The following SLC44A1 variants were observed in gnomAD, a reference collection of about 807,000 sequenced individuals.
The protein encoded by SLC44A1 is choline transporter-like protein 1.
Under a neutral mutation model 79.3 loss-of-function variants are expected in SLC44A1, and 26 were observed. The observed-to-expected ratio is 0.33, with a 90% CI of 0.24 to 0.46. The LOEUF is 0.46. Ranked by LOEUF, SLC44A1 falls within the 20% of genes least tolerant of loss-of-function variation. The pLI, the probability that SLC44A1 is intolerant of heterozygous loss-of-function variation, is 1.00. For synonymous variants in SLC44A1, 263 were observed against 286.2 expected, an observed-to-expected ratio of 0.92 and a Z score of 0.82; for missense variants, 688 against 798.1, an observed-to-expected ratio of 0.86 and a Z score of 1.66.
intron 12 of SLC44A1, among the ~76,000 whole-genome samples, chr9:105,368,345 A>C (rs1469114608): frequency 1.3e-5 from 2 of 152,190 alleles, no homozygotes; most frequent in Non-Finnish European, 2.9e-5. Flanking sequence ...CATACTTTGT[A>C]GTTCTATTTG....
At chr9:105,349,109 T>G (rs763672239) in intron 5 of SLC44A1, among the ~76,000 whole-genome samples, 2 of 152,184 alleles carry the variant, frequency 1.3e-5, no homozygotes, top group Non-Finnish European at 2.9e-5. Context: ...AGGAAATGAA[T>G]TATCAAGCAT....
chr9:105,297,010 T>A (rs1830740962), intron 1 of SLC44A1, among the ~76,000 whole-genome samples: 1 of 152,196 alleles, frequency 6.6e-6, no homozygotes, highest in African/African-American at 2.4e-5. Flanking sequence ...GAACCAGTCC[T>A]TCATCTCTTA....
At position 105,392,715 on chromosome 9, in the gene SLC44A1, A is replaced by G; in HGVS notation, c.*3659A>G. 1 of 985,382 alleles carries G rather than the reference A, an allele frequency of 1.0e-6. No individual in the cohort carries two copies. The highest frequency in any genetic ancestry group is 1.2e-6 in the Non-Finnish European group (1 of 829,908). The allele number at this position is 985,382 out of a possible 1,614,324, so 61.0% of individuals were successfully genotyped here. A position where few individuals can be genotyped will look rare whatever the true frequency, so the allele number is the denominator to read the frequency against. ...TTTCCACCATGCACTATTACTAGCTACTAACAGCCATTTTAAGAGATCTCC... is the reference window on the plus strand; with the variant it reads ...TTTCCACCATGCACTATTACTAGCTGCTAACAGCCATTTTAAGAGATCTCC... On this transcript the variant is annotated 3_prime_UTR_variant, in exon 16 of 16. Transcript: ENST00000374720.
intron 2 of SLC44A1, 122 bp from the exon 3 acceptor site, chr9:105,309,602 A>G: frequency 1.3e-6 from 1 of 793,284 alleles, no homozygotes; most frequent in Middle Eastern, 3.1e-4. Context: ...TAGTGTTTGC[A>G]GTAAGAAAAG....
chr9:105,438,297 T>A (rs748766114), exon 16 of SLC44A1: 13 of 1,550,306 alleles, frequency 8.4e-6, no homozygotes, highest in Non-Finnish European at 1.1e-5. Context: ...AAAAGGTGAC[T>A]GGTCTCATGA....
intron 1 of SLC44A1, among the ~76,000 whole-genome samples, chr9:105,278,108 C>G (rs1264217865): frequency 1.3e-5 from 2 of 151,916 alleles, no homozygotes; most frequent in Non-Finnish European, 2.9e-5. Flanking sequence ...GTCACCCAGA[C>G]TGGAGTGCAG....
At chr9:105,280,541 AC>A (rs1442757768) in intron 1 of SLC44A1, among the ~76,000 whole-genome samples, 1 of 152,246 alleles carries the variant, frequency 6.6e-6, no homozygotes, top group East Asian at 1.9e-4. Flanking sequence ...TTCTGAATTA[AC>A]AGTATTACTC....
chr9:105,303,095 C>A (rs1033857109), intron 2 of SLC44A1, among the ~76,000 whole-genome samples: 2 of 152,150 alleles, frequency 1.3e-5, no homozygotes, highest in African/African-American at 4.8e-5. Context: ...GGTTTCTCAG[C>A]TCAAATCCCA....
chr9:105,244,991 C>T (rs946139784), intron 1 of SLC44A1, 87 bp downstream of exon 1: 61 of 510,660 alleles, frequency 1.2e-4, no homozygotes, highest in African/African-American at 1.1e-3. Flanking sequence ...CGATACCTCT[C>T]GCTGTCCCCA....
intron 8 of SLC44A1, among the ~76,000 whole-genome samples, chr9:105,361,659 A>G (rs1827783992): frequency 6.6e-6 from 1 of 152,236 alleles, no homozygotes; most frequent in African/African-American, 2.4e-5. Flanking sequence ...TTTACTGTAG[A>G]AAAGTATGTT....
chr9:105,298,339 TTG>T (rs1830784241), intron 1 of SLC44A1, among the ~76,000 whole-genome samples: 1 of 147,030 alleles, frequency 6.8e-6, no homozygotes, highest in African/African-American at 2.7e-5. Context: ...CCCGTTTTTG[TTG>T]TTGTTGTTGT....
At chr9:105,419,392 T>C (rs190751246) in intron 15 of SLC44A1, among the ~76,000 whole-genome samples, 64 of 152,300 alleles carry the variant, frequency 4.2e-4, no homozygotes, top group African/African-American at 1.4e-3. Context: ...TGTAGTTTTA[T>C]AAAGAGAGTA....
Position 105,393,135 on chromosome 9 carries a change from G to T in SLC44A1, c.*4079G>T. 2 of 985,420 alleles carry T rather than the reference G, an allele frequency of 2.0e-6. No individual in the cohort carries two copies. Among genetic ancestry groups the T allele is most frequent in the Non-Finnish European group, 2.4e-6 (2 of 829,908 alleles). The allele number at this position is 985,420 out of a possible 1,614,324, so 61.0% of individuals were successfully genotyped here. On this transcript the variant is annotated 3_prime_UTR_variant, in exon 16 of 16. Transcript: ENST00000374720. ...GTGAATGTATATTGAAAAAATGTGG[G>T]TTCATAAGTAAAAGCGTAACGCAGA... is the stretch of plus-strand genomic sequence containing the variant.
In SLC44A1 at chr9:105,279,722, A is replaced by T. The variant is rs1299478536; in HGVS notation, c.37-19498A>T. Among the ~76,000 whole-genome samples the T allele has an allele frequency of 2.0e-5, 3 of 152,282 alleles. No individual in the cohort carries two copies. In the East Asian group the frequency reaches 5.8e-4, roughly 29 times the overall value. On this transcript the variant is annotated intron_variant, in intron 1 of 15. Transcript: ENST00000374720. ...CTTCAGTTTACATCAGGAATATATAAACCTTCTATCACCATTAACATTGTT... is the reference window on the plus strand; with the variant it reads ...CTTCAGTTTACATCAGGAATATATATACCTTCTATCACCATTAACATTGTT...
At chr9:105,291,962 GA>G in intron 1 of SLC44A1, among the ~76,000 whole-genome samples, 1 of 152,196 alleles carries the variant, frequency 6.6e-6, no homozygotes, top group East Asian at 1.9e-4. Context: ...CAGTTGATCA[GA>G]AAAAAATATA....
At chr9:105,346,621 T>TG (rs1235425346) in intron 4 of SLC44A1, among the ~76,000 whole-genome samples, 1 of 152,144 alleles carries the variant, frequency 6.6e-6, no homozygotes, top group Non-Finnish European at 1.5e-5. Flanking sequence ...TAGTCTAAAA[T>TG]GTTTGTTTGC....
chr9:105,308,713 G>T (rs1197863318), intron 2 of SLC44A1, among the ~76,000 whole-genome samples: 1 of 152,202 alleles, frequency 6.6e-6, no homozygotes, highest in Admixed American at 6.5e-5. Flanking sequence ...ATACTTGGCT[G>T]TGATTAATTA....
intron 2 of SLC44A1, among the ~76,000 whole-genome samples, chr9:105,306,550 T>G: frequency 7.2e-6 from 1 of 138,958 alleles, no homozygotes; most frequent in East Asian, 2.5e-4. Flanking sequence ...TTATTCTCCT[T>G]GCCCACCCCC....
Position 105,391,440 on chromosome 9 carries a change from C to G in SLC44A1, c.*2384C>G. ...AATTATAATCTATGTGTAACCATGT[C>G]ATTTGAGTTGCAAATTAATTGCCAG... On this transcript the variant is annotated 3_prime_UTR_variant, in exon 16 of 16. Coordinates refer to ENST00000374720, the MANE Select transcript of SLC44A1 (RefSeq NM_080546.5). 2 of 985,426 alleles carry G rather than the reference C, an allele frequency of 2.0e-6. No homozygotes were observed. Among genetic ancestry groups the G allele is most frequent in the Non-Finnish European group, 2.4e-6 (2 of 829,562 alleles). 61.0% of individuals were successfully genotyped at this position (985,426 alleles called of 1,614,324 possible). A position where few individuals can be genotyped will look rare whatever the true frequency, so the allele number is the denominator to read the frequency against.
Sources: allele counts gnomAD v4.1 joint callset (sites outside exome capture counted in the v4.1 genomes callset), GRCh38; gene constraint gnomAD v4.1.1; transcripts MANE v1.5; gene names NCBI Gene and HGNC (gene_info 2026-07-23, HGNC 2026-07-21).